The following LYZL2 variants were observed in gnomAD, a reference collection of about 807,000 sequenced individuals.
LYZL2 encodes lysozyme-like protein 2.
LYZL2 carries 13 observed loss-of-function variants against 17.1 expected under a neutral mutation model. The ratio of observed to expected loss-of-function variants is 0.76; its 90% CI spans 0.49 to 1.21. LYZL2 has a LOEUF of 1.21. Among genes scored for constraint, LYZL2 ranks in the 50% most tolerant of loss-of-function variants. The pLI is 0.00. For missense variants in LYZL2, 166 were observed against 189.2 expected (o/e 0.88, Z 0.72); for synonymous variants, 63 against 74.4 (o/e 0.85, Z 0.79).
intron 3 of LYZL2, among the ~76,000 whole-genome samples, chr10:30,616,838 C>CTA (rs951950419): frequency 2.6e-5 from 4 of 152,132 alleles, no homozygotes; most frequent in Non-Finnish European, 5.9e-5. Flanking sequence ...TCATGGAACA[C>CTA]TATATGCTAA....
At chr10:30,621,304 G>C (rs1476929740) in intron 3 of LYZL2, among the ~76,000 whole-genome samples, 1 of 152,194 alleles carries the variant, frequency 6.6e-6, no homozygotes, top group Non-Finnish European at 1.5e-5. Context: ...TTGAAGCCAA[G>C]TGTGGTGGCT....
At chr10:30,625,600 C>T (rs1838689201) in intron 3 of LYZL2, among the ~76,000 whole-genome samples, 1 of 152,118 alleles carries the variant, frequency 6.6e-6, no homozygotes, top group South Asian at 2.1e-4. Flanking sequence ...GGGAAGGTTG[C>T]TTGAGTCATG....
At chr10:30,611,010 A>G (rs1435053559), downstream of LYZL2, among the ~76,000 whole-genome samples, 4 of 152,108 alleles carry the variant, frequency 2.6e-5, no homozygotes, top group Non-Finnish European at 4.4e-5. Context: ...CCCGCCCCTC[A>G]GGTGCTCCTA....
intron 3 of LYZL2, among the ~76,000 whole-genome samples, chr10:30,619,270 A>C (rs982986376): frequency 6.6e-6 from 1 of 152,072 alleles, no homozygotes; most frequent in Non-Finnish European, 1.5e-5. Context: ...TCAGTGTGGC[A>C]ATTCCTCAGG....
At chr10:30,608,781 T>C (rs1353303723), downstream of LYZL2, among the ~76,000 whole-genome samples, 1 of 152,210 alleles carries the variant, frequency 6.6e-6, no homozygotes, top group African/African-American at 2.4e-5. Flanking sequence ...GTCTGATTTG[T>C]ATTCCTTCTG....
At chr10:30,609,902 T>C (rs1220064401), downstream of LYZL2, among the ~76,000 whole-genome samples, 1 of 152,186 alleles carries the variant, frequency 6.6e-6, no homozygotes, top group African/African-American at 2.4e-5. Flanking sequence ...AAGAGTAGGA[T>C]TGCATGCTTA....
At chr10:30,616,605 G>C (rs1838531787) in intron 3 of LYZL2, among the ~76,000 whole-genome samples, 1 of 152,206 alleles carries the variant, frequency 6.6e-6, no homozygotes, top group Admixed American at 6.5e-5. Context: ...ATTACCACTA[G>C]CTAATACTTT....
chr10:30,611,534 G>A (rs4326701), downstream of LYZL2, among the ~76,000 whole-genome samples: 4 of 65,612 alleles, frequency 6.1e-5, no homozygotes, highest in East Asian at 4.0e-4. Flanking sequence ...AAAGAAAGAA[G>A]GAAGGAAGGA....
At chr10:30,623,634 C>A (rs1045103546) in intron 3 of LYZL2, among the ~76,000 whole-genome samples, 1 of 152,192 alleles carries the variant, frequency 6.6e-6, no homozygotes, top group African/African-American at 2.4e-5. Context: ...TTATGAGAAT[C>A]TAATGCCTGA....
At chr10:30,614,322 A>T (rs1035669869) in intron 3 of LYZL2, among the ~76,000 whole-genome samples, 1 of 152,204 alleles carries the variant, frequency 6.6e-6, no homozygotes. Flanking sequence ...CCAGCAATTC[A>T]TTGGGCAGCC....
chr10:30,622,684 A>T (rs1373590026), intron 3 of LYZL2, among the ~76,000 whole-genome samples: 2 of 152,246 alleles, frequency 1.3e-5, no homozygotes, highest in Admixed American at 1.3e-4. Flanking sequence ...TTATTGGAAC[A>T]CAGCCAGGCC....
At chr10:30,629,035 T>G (rs769334839) in intron 1 of LYZL2, among the ~76,000 whole-genome samples, 5 of 152,118 alleles carry the variant, frequency 3.3e-5, no homozygotes, top group East Asian at 1.9e-4. Context: ...TTCAGAGAGA[T>G]CATGCCAGTC....
downstream of LYZL2, among the ~76,000 whole-genome samples, chr10:30,606,862 C>T (rs1266916421): frequency 6.6e-6 from 1 of 151,690 alleles, no homozygotes; most frequent in East Asian, 1.9e-4. Flanking sequence ...TTAGTACCAA[C>T]CAAATGGTAG....
chr10:30,610,528 C>T (rs1414314936), downstream of LYZL2, among the ~76,000 whole-genome samples: 1 of 152,098 alleles, frequency 6.6e-6, no homozygotes. Context: ...GAACATCACA[C>T]ACTGGGGCCT....
downstream of LYZL2, among the ~76,000 whole-genome samples, chr10:30,607,127 G>T (rs1050432878): frequency 1.2e-4 from 3 of 24,814 alleles, no homozygotes; most frequent in African/African-American, 2.6e-4. Flanking sequence ...GGCCAGGCTG[G>T]TCTCAAACTC....
At chr10:30,629,155 G>A (rs1010861345) in intron 1 of LYZL2, among the ~76,000 whole-genome samples, 1 of 152,188 alleles carries the variant, frequency 6.6e-6, no homozygotes, top group Admixed American at 6.5e-5. Context: ...CACTTTGTGA[G>A]GGTGAAAAGG....
chr10:30,621,218 G>A (rs1396089116), intron 3 of LYZL2, among the ~76,000 whole-genome samples: 1 of 152,018 alleles, frequency 6.6e-6, no homozygotes, highest in South Asian at 2.1e-4. Flanking sequence ...TACATACCGG[G>A]GACAAACAGA....
chr10:30,619,119 A>C (rs1838580085), intron 3 of LYZL2, among the ~76,000 whole-genome samples: 1 of 152,238 alleles, frequency 6.6e-6, no homozygotes, highest in African/African-American at 2.4e-5. Flanking sequence ...AATCCAAACC[A>C]CAATGAGATA....
chr10:30,609,070 C>T (rs1460021280), downstream of LYZL2, among the ~76,000 whole-genome samples: 1 of 152,172 alleles, frequency 6.6e-6, no homozygotes, highest in Non-Finnish European at 1.5e-5. Context: ...CAATTCCTGG[C>T]TCAAGTGATC....
Sources: gnomAD v4.1 joint callset for allele counts (sites outside exome capture counted in the v4.1 genomes callset) on GRCh38, gnomAD v4.1.1 for gene constraint, MANE v1.5 for transcripts, NCBI Gene and HGNC (gene_info 2026-07-23, HGNC 2026-07-21) for gene names.